CNGA1: variants seen among roughly 807,000 people sequenced by gnomAD.
The protein encoded by CNGA1 is cyclic nucleotide gated channel subunit alpha 1, also known as cyclic nucleotide-gated channel alpha-1.
Under a neutral mutation model 69.7 loss-of-function variants are expected in CNGA1, and 53 were observed. The observed-to-expected ratio is 0.76, with a 90% confidence interval of 0.61 to 0.96. CNGA1 has a LOEUF of 0.96. CNGA1 is among the 40% of genes least tolerant of loss of function. CNGA1 has a pLI of 0.00. For synonymous variants in CNGA1, 249 were observed against 283.5 expected (o/e 0.88, Z 1.22); for missense variants, 739 against 811.2 (o/e 0.91, Z 1.08).
chr4:47,953,780 T>C (rs1739887211), intron 3 of CNGA1, among the ~76,000 whole-genome samples: 2 of 152,262 alleles, frequency 1.3e-5, no homozygotes, highest in Non-Finnish European at 2.9e-5. Context: ...GGAAGGATCC[T>C]CTCTCCAGTT....
chr4:47,965,837 T>A (rs889699850), intron 3 of CNGA1, among the ~76,000 whole-genome samples: 26 of 152,166 alleles, frequency 1.7e-4, no homozygotes, highest in African/African-American at 4.8e-5. Context: ...GAGAAAAAAA[T>A]TTTAATAGTA....
chr4:47,978,405 GC>G (rs1398742712), intron 3 of CNGA1, among the ~76,000 whole-genome samples: 1 of 151,864 alleles, frequency 6.6e-6, no homozygotes, highest in Admixed American at 6.6e-5. Context: ...TATTAAATAA[GC>G]TAGGCACATT....
At chr4:47,976,450 A>G (rs1263756648) in intron 3 of CNGA1, among the ~76,000 whole-genome samples, 1 of 150,936 alleles carries the variant, frequency 6.6e-6, no homozygotes, top group Non-Finnish European at 1.5e-5. Flanking sequence ...TTCTCTTTAT[A>G]TCCCCTGAGA....
Position 48,013,288 on chromosome 4 carries a change from C to T in CNGA1, c.-222-2395G>A, listed in dbSNP as rs116717724. 7.3e-3 allele frequency among the ~76,000 whole-genome samples: 1,118 copies of T among 152,318 alleles called. 12 individuals are homozygous for T. The highest frequency in any genetic ancestry group is 0.025 in the African/African-American group (1,029 of 41,560). ...AAATGTGAACCCCAAAAATTTGAGA[C>T]AGGTCTCAGTGAATTTACAGTTTAT... On this transcript the variant is annotated intron_variant, in intron 1 of 10. Coordinates refer to ENST00000514170, the MANE Select transcript of CNGA1 (RefSeq NM_001379270.1).
At chr4:47,938,023 AGGTAAAATTTT>A (rs1295675356) in intron 10 of CNGA1, among the ~76,000 whole-genome samples, 194 bp from the exon 11 acceptor site, 1 of 152,072 alleles carries the variant, frequency 6.6e-6, no homozygotes, top group Non-Finnish European at 1.5e-5. Context: ...TAGAAATAAA[AGGTAAAATTTT>A]GGCCAGACAG....
intron 2 of CNGA1, among the ~76,000 whole-genome samples, chr4:48,007,653 T>C (rs531992131): frequency 8.6e-5 from 11 of 127,968 alleles, no homozygotes; most frequent in African/African-American, 3.1e-4. Flanking sequence ...GATACATGGA[T>C]GTAATAACCT....
At chr4:47,940,693 G>A in intron 10 of CNGA1, 70 bp downstream of exon 10, 1 of 1,084,342 alleles carries the variant, frequency 9.2e-7, no homozygotes. Flanking sequence ...CTTGGATTAG[G>A]AAATGTCAAA....
At chr4:47,974,013 C>T (rs1229541014) in intron 3 of CNGA1, among the ~76,000 whole-genome samples, 11 of 150,928 alleles carry the variant, frequency 7.3e-5, no homozygotes, top group Admixed American at 2.0e-4. Context: ...GGCAACATGG[C>T]GAAACCCCAT....
intron 9 of CNGA1, 25 bp from the exon 10 acceptor site, chr4:47,940,894 A>G: frequency 6.7e-7 from 1 of 1,493,230 alleles, no homozygotes; most frequent in Non-Finnish European, 9.3e-7. Flanking sequence ...ACACTTGTAT[A>G]AATAAAAAAG....
chr4:47,953,852 G>A (rs1739892517), intron 3 of CNGA1, among the ~76,000 whole-genome samples: 1 of 152,162 alleles, frequency 6.6e-6, no homozygotes, highest in African/African-American at 2.4e-5. Context: ...GGGAAGTGCT[G>A]GGTAGAGAAG....
chr4:47,966,471 C>T (rs1329333405), intron 3 of CNGA1, among the ~76,000 whole-genome samples: 1 of 152,114 alleles, frequency 6.6e-6, no homozygotes, highest in East Asian at 1.9e-4. Flanking sequence ...TATTACAGGG[C>T]CCTATTTGCA....
chr4:47,996,429 A>G (rs535518684), intron 2 of CNGA1, among the ~76,000 whole-genome samples: 76 of 152,276 alleles, frequency 5.0e-4, no homozygotes, highest in African/African-American at 1.8e-3. Context: ...CCTTGGGAAA[A>G]TTATTTAACT....
intron 2 of CNGA1, among the ~76,000 whole-genome samples, chr4:47,985,602 G>GA (rs1279264030): frequency 6.6e-6 from 1 of 152,052 alleles, no homozygotes; most frequent in Non-Finnish European, 1.5e-5. Flanking sequence ...AAACTTCATA[G>GA]AACTTGTCAT....
chr4:48,010,687 C>T (rs1360326678), intron 2 of CNGA1, 107 bp downstream of exon 2: 3 of 153,408 alleles, frequency 2.0e-5, no homozygotes, highest in Non-Finnish European at 2.9e-5. Flanking sequence ...GTGTTCAGCT[C>T]GATTAGGATG....
At chr4:48,016,442 G>A (rs1577618687) in intron 1 of CNGA1, 41 bp downstream of exon 1, 2 of 225,390 alleles carry the variant, frequency 8.9e-6, no homozygotes, top group Non-Finnish European at 1.7e-5. Flanking sequence ...CCAGAAGGGG[G>A]CCTCAGTGCA....
At chr4:47,991,059 C>A (rs3098642) in intron 2 of CNGA1, among the ~76,000 whole-genome samples, 43,950 of 152,054 alleles carry the variant, frequency 0.29, 7,007 homozygotes, top group African/African-American at 0.43. Flanking sequence ...CTCATTGATT[C>A]ATGGGCATTT....
At chr4:47,976,166 T>C (rs866041630) in intron 3 of CNGA1, among the ~76,000 whole-genome samples, 13 of 43,928 alleles carry the variant, frequency 3.0e-4, no homozygotes, top group Admixed American at 7.7e-4. Flanking sequence ...TATATATATA[T>C]ATATACACAT....
At chr4:47,974,269 A>T (rs1463931885) in intron 3 of CNGA1, among the ~76,000 whole-genome samples, 3 of 152,184 alleles carry the variant, frequency 2.0e-5, no homozygotes, top group African/African-American at 7.2e-5. Context: ...TTAAACATTA[A>T]ATTTTTAGTG....
chr4:47,994,991 G>A (rs1742422875), intron 2 of CNGA1, among the ~76,000 whole-genome samples: 1 of 152,150 alleles, frequency 6.6e-6, no homozygotes, highest in Admixed American at 6.6e-5. Flanking sequence ...TGTTTGAGGA[G>A]GCTGAAGATA....
Sources: allele counts gnomAD v4.1 joint callset (sites outside exome capture counted in the v4.1 genomes callset), GRCh38; gene constraint gnomAD v4.1.1; transcripts MANE v1.5; gene names NCBI Gene and HGNC (gene_info 2026-07-23, HGNC 2026-07-21).